The following LINC00305 variants were observed in gnomAD, a reference collection of about 807,000 sequenced individuals.
LINC00305 encodes the protein long intergenic non-protein coding RNA 305.
At chr18:64,143,757 GTA>G (rs2051482035) in intron 1 of LINC00305, among the ~76,000 whole-genome samples, 1 of 69,806 alleles carries the variant, frequency 1.4e-5, no homozygotes, top group African/African-American at 5.5e-5. Context: ...GTACATGTAT[GTA>G]CACATATTAT....
In LINC00305 at chr18:64,111,934, A is replaced by C. The variant is rs2051316352; in HGVS notation, n.315-13294T>G. Among the ~76,000 whole-genome samples, 3 of 152,250 alleles carry C rather than the reference A, an allele frequency of 2.0e-5. No individual in the cohort carries two copies. The South Asian group carries it at 6.2e-4, about 32-fold the overall frequency. ...AAAATCAAGGACCATGGTGAGAAAA[A>C]GTGAGAGCTTAATGTGGATGAATTC... On this transcript the variant is annotated intron_variant and non_coding_transcript_variant, in intron 1 of 3. Transcript: ENST00000666468.
intron 1 of LINC00305, among the ~76,000 whole-genome samples, chr18:64,129,390 GT>G (rs1322181808): frequency 1.3e-5 from 2 of 152,012 alleles, no homozygotes; most frequent in Admixed American, 6.6e-5. Flanking sequence ...ATGGGGATAG[GT>G]TTTTAAAAAA....
chr18:64,084,988 G>A (rs540197618), intron 3 of LINC00305, among the ~76,000 whole-genome samples: 11 of 152,332 alleles, frequency 7.2e-5, no homozygotes, highest in South Asian at 4.1e-4. Flanking sequence ...AGGAATCAGC[G>A]CCAAATGATG....
exon 4 of LINC00305, chr18:64,080,392 C>T (rs2051180169): frequency 2.2e-6 from 1 of 456,182 alleles, no homozygotes; most frequent in Non-Finnish European, 4.4e-6. Flanking sequence ...TTGAAAGGTT[C>T]TTCCTGCATG....
At chr18:64,111,249 GCT>G (rs775120569) in intron 1 of LINC00305, among the ~76,000 whole-genome samples, 4 of 152,166 alleles carry the variant, frequency 2.6e-5, no homozygotes, top group Non-Finnish European at 5.9e-5. Context: ...AGAACTTGCA[GCT>G]CTTTCTCCTT....
At chr18:64,100,158 CA>C (rs1041946545) in intron 1 of LINC00305, among the ~76,000 whole-genome samples, 28 of 150,342 alleles carry the variant, frequency 1.9e-4, no homozygotes, top group African/African-American at 6.6e-4. Context: ...TTTTTTTCTT[CA>C]GGGGAGATGG....
At chr18:64,080,962 T>C (rs547674213) in intron 3 of LINC00305, among the ~76,000 whole-genome samples, 2 of 152,318 alleles carry the variant, frequency 1.3e-5, no homozygotes, top group African/African-American at 4.8e-5. Flanking sequence ...CTAGTCCAAT[T>C]TTTTTATTGT....
At chr18:64,142,396 G>C (rs1428814756) in intron 1 of LINC00305, among the ~76,000 whole-genome samples, 2 of 152,214 alleles carry the variant, frequency 1.3e-5, no homozygotes, top group African/African-American at 4.8e-5. Context: ...AGTGAGGAAT[G>C]AGGGTCCAAT....
intron 3 of LINC00305, among the ~76,000 whole-genome samples, chr18:64,089,193 G>T (rs534991741): frequency 1.3e-5 from 2 of 152,236 alleles, no homozygotes; most frequent in South Asian, 4.2e-4. Context: ...TCATGGGGGC[G>T]GTTTTCCCCA....
chr18:64,130,023 C>T (rs2051402251), intron 1 of LINC00305, among the ~76,000 whole-genome samples: 1 of 151,034 alleles, frequency 6.6e-6, no homozygotes, highest in African/African-American at 2.4e-5. Context: ...GGTACATGTG[C>T]ACAACGTGCA....
At position 64,142,716 on chromosome 18, in the gene LINC00305, C is replaced by T. The variant is rs113754750; in HGVS notation, n.314+6059G>A. Among the ~76,000 whole-genome samples the T allele has an allele frequency of 8.1e-3, 1,230 of 152,230 alleles. 19 individuals are homozygous for T. The highest frequency in any genetic ancestry group is 0.028 in the African/African-American group (1,179 of 41,526). On this transcript the variant is annotated intron_variant and non_coding_transcript_variant, in intron 1 of 3. Transcript: ENST00000666468. ...CTTGTATATACACCATGGCCACCTG[C>T]GCCCTATTCCACTCCTTGTATATAA...
chr18:64,087,996 G>A (rs1039999646), intron 3 of LINC00305, among the ~76,000 whole-genome samples: 5 of 152,082 alleles, frequency 3.3e-5, no homozygotes, highest in Admixed American at 1.3e-4. Context: ...GGTGGCGGGC[G>A]CCTGTAGTCC....
intron 1 of LINC00305, among the ~76,000 whole-genome samples, chr18:64,142,274 AGTT>A (rs1048578699): frequency 1.3e-5 from 2 of 152,216 alleles, no homozygotes; most frequent in African/African-American, 2.4e-5. Context: ...CTTTTAAAAA[AGTT>A]GTTGTTGAAA....
chr18:64,091,740 A>G (rs1165414966), intron 3 of LINC00305, among the ~76,000 whole-genome samples: 1 of 152,234 alleles, frequency 6.6e-6, no homozygotes, highest in Admixed American at 6.5e-5. Flanking sequence ...ATATTTAGAC[A>G]TATCTGAAAG....
chr18:64,091,801 TAATC>T, intron 3 of LINC00305, among the ~76,000 whole-genome samples: 1 of 152,352 alleles, frequency 6.6e-6, no homozygotes, highest in Middle Eastern at 3.4e-3. Context: ...TAGTCACTCA[TAATC>T]AATATGTGAT....
chr18:64,101,503 G>C (rs1017204711), intron 1 of LINC00305, among the ~76,000 whole-genome samples: 1 of 152,066 alleles, frequency 6.6e-6, no homozygotes, highest in African/African-American at 2.4e-5. Context: ...TTGTCACATG[G>C]TATTTTCTCT....
intron 3 of LINC00305, among the ~76,000 whole-genome samples, chr18:64,095,927 GA>G (rs1180696689): frequency 6.6e-6 from 1 of 151,950 alleles, no homozygotes; most frequent in African/African-American, 2.4e-5. Flanking sequence ...GAAATGTTAT[GA>G]AAAGAAACAA....
chr18:64,096,220 G>A (rs2144235803), intron 3 of LINC00305, among the ~76,000 whole-genome samples: 1 of 152,006 alleles, frequency 6.6e-6, no homozygotes, highest in African/African-American at 2.4e-5. Context: ...TGAAGATTTA[G>A]TCTTTACTCT....
chr18:64,143,660 C>T (rs565197868), intron 1 of LINC00305, among the ~76,000 whole-genome samples: 5 of 146,382 alleles, frequency 3.4e-5, no homozygotes, highest in Admixed American at 6.7e-5. Flanking sequence ...TGTATGTACA[C>T]GTATTATGTA....
Sources: gnomAD v4.1 joint callset for allele counts (sites outside exome capture counted in the v4.1 genomes callset) on GRCh38, gnomAD v4.1.1 for gene constraint, MANE v1.5 for transcripts, NCBI Gene and HGNC (gene_info 2026-07-23, HGNC 2026-07-21) for gene names.